The following CDH4 variants were observed in gnomAD, a reference collection of about 807,000 sequenced individuals.
CDH4 encodes the protein cadherin-4.
A neutral mutation model predicts 86.0 loss-of-function variants in CDH4; 33 were observed. The observed-to-expected ratio is 0.38, with a 90% CI of 0.29 to 0.51. The LOEUF is 0.51. Ranked by LOEUF, CDH4 falls within the 20% of genes least tolerant of loss-of-function variation. The pLI is 0.86. For missense variants in CDH4, 1,114 were observed against 1,307.4 expected, an observed-to-expected ratio of 0.85 and a Z score of 2.28; for synonymous variants, 555 against 549.4, an observed-to-expected ratio of 1.01 and a Z score of -0.14.
At chr20:61,658,274 C>T (rs1463742320) in intron 2 of CDH4, among the ~76,000 whole-genome samples, 1 of 151,980 alleles carries the variant, frequency 6.6e-6, no homozygotes, top group Non-Finnish European at 1.5e-5. Context: ...CCCGAGTCAC[C>T]ATCCTCTCCG....
intron 2 of CDH4, among the ~76,000 whole-genome samples, chr20:61,583,456 C>T (rs1473033102): frequency 1.3e-5 from 2 of 152,134 alleles, no homozygotes; most frequent in East Asian, 1.9e-4. Flanking sequence ...TTGTCACACA[C>T]GCGTTCTGTG....
At chr20:61,758,608 G>A (rs767481865) in intron 3 of CDH4, among the ~76,000 whole-genome samples, 9 of 152,308 alleles carry the variant, frequency 5.9e-5, no homozygotes, top group East Asian at 3.9e-4. Context: ...CACGAGGTCC[G>A]TGAAGTTGTC....
At chr20:61,378,308 A>C (rs890888739) in intron 2 of CDH4, among the ~76,000 whole-genome samples, 1 of 152,166 alleles carries the variant, frequency 6.6e-6, no homozygotes, top group South Asian at 2.1e-4. Flanking sequence ...AAACTTTGAA[A>C]TTATAGTGTG....
At chr20:61,787,273 G>A (rs965675878) in intron 4 of CDH4, among the ~76,000 whole-genome samples, 1 of 152,220 alleles carries the variant, frequency 6.6e-6, no homozygotes, top group African/African-American at 2.4e-5. Context: ...AAAGGAAAGA[G>A]GTTTAATTGA....
chr20:61,714,504 T>C (rs531682178), intron 2 of CDH4, among the ~76,000 whole-genome samples: 6 of 152,322 alleles, frequency 3.9e-5, no homozygotes, highest in African/African-American at 1.4e-4. Context: ...AAGTCTGAGA[T>C]TGTCATGTAG....
chr20:61,661,211 G>T (rs2087253708), intron 2 of CDH4, among the ~76,000 whole-genome samples: 1 of 152,094 alleles, frequency 6.6e-6, no homozygotes, highest in African/African-American at 2.4e-5. Context: ...GTCACCGTCA[G>T]CCGGTGGTTC....
intron 2 of CDH4, among the ~76,000 whole-genome samples, chr20:61,258,645 T>A (rs2084113916): frequency 1.3e-5 from 2 of 152,360 alleles, no homozygotes; most frequent in South Asian, 4.1e-4. Flanking sequence ...GAGTAAATTT[T>A]TCTTACATAA....
At chr20:61,777,967 T>A (rs956343041) in intron 4 of CDH4, among the ~76,000 whole-genome samples, 5 of 149,326 alleles carry the variant, frequency 3.3e-5, no homozygotes, top group African/African-American at 1.2e-4. Flanking sequence ...ACGTGCATAC[T>A]ATACACACAT....
chr20:61,929,936 CCTCAGCCCTCATCT>C, intron 13 of CDH4, 94 bp downstream of exon 13: 1 of 933,250 alleles, frequency 1.1e-6, no homozygotes, highest in South Asian at 1.4e-5. Flanking sequence ...TGGATTTGCC[CCTCAGCCCTCATCT>C]CTCAGCCTCA....
chr20:61,586,850 A>T (rs1438505709), intron 2 of CDH4, among the ~76,000 whole-genome samples: 1 of 152,216 alleles, frequency 6.6e-6, no homozygotes, highest in African/African-American at 2.4e-5. Context: ...AACAGTTCAA[A>T]AAATAATCCA....
intron 2 of CDH4, among the ~76,000 whole-genome samples, chr20:61,265,899 G>T (rs2084155887): frequency 6.6e-6 from 1 of 152,192 alleles, no homozygotes; most frequent in East Asian, 1.9e-4. Context: ...CTATAATTAG[G>T]ACTCAGAGGG....
chr20:61,448,034 C>A (rs752178233), intron 2 of CDH4, among the ~76,000 whole-genome samples: 1 of 152,156 alleles, frequency 6.6e-6, no homozygotes, highest in African/African-American at 2.4e-5. Context: ...CTTTCTTGTT[C>A]GTCCCTGGGG....
chr20:61,899,816 G>A lies in CDH4; in HGVS notation c.1188+4769G>A, dbSNP rs564260588. Among the ~76,000 whole-genome samples, 68 of 152,286 alleles carry A rather than the reference G, an allele frequency of 4.5e-4. 1 individual carries two copies. In the South Asian group the frequency reaches 0.013, roughly 30 times the overall value. On this transcript the variant is annotated intron_variant, in intron 8 of 15. Transcript: ENST00000614565. ...AGGACAGGATGAGTGGGTCCCCAGC[G>A]TTTAGGATGTGCCCAGCTCAGCCAG...
At chr20:61,640,843 G>A (rs1313024219) in intron 2 of CDH4, among the ~76,000 whole-genome samples, 1 of 152,210 alleles carries the variant, frequency 6.6e-6, no homozygotes, top group Non-Finnish European at 1.5e-5. Context: ...CTGTTGGTCT[G>A]TCTTTGGGTG....
chr20:61,436,244 G>A (rs1358091254), intron 2 of CDH4, among the ~76,000 whole-genome samples: 2 of 152,122 alleles, frequency 1.3e-5, no homozygotes, highest in South Asian at 2.1e-4. Flanking sequence ...CCAACTGCAT[G>A]GATTCCATTT....
intron 5 of CDH4, among the ~76,000 whole-genome samples, chr20:61,851,889 C>T (rs942679017): frequency 7.2e-5 from 11 of 152,252 alleles, no homozygotes; most frequent in Non-Finnish European, 1.3e-4. Context: ...GGCAGCCACA[C>T]TGCCTTCAGT....
intron 2 of CDH4, among the ~76,000 whole-genome samples, chr20:61,546,638 A>G (rs2145665609): frequency 6.6e-6 from 1 of 151,946 alleles, no homozygotes; most frequent in African/African-American, 2.4e-5. Context: ...ATATGAAATG[A>G]GAGAACAGGG....
At chr20:61,860,200 A>G (rs895273438) in intron 6 of CDH4, among the ~76,000 whole-genome samples, 5 of 152,058 alleles carry the variant, frequency 3.3e-5, no homozygotes, top group Non-Finnish European at 5.9e-5. Context: ...CATTTTCCTG[A>G]CTCCACCAAG....
At chr20:61,837,995 C>G (rs1372131976) in intron 4 of CDH4, among the ~76,000 whole-genome samples, 3 of 152,060 alleles carry the variant, frequency 2.0e-5, no homozygotes, top group African/African-American at 4.8e-5. Flanking sequence ...TCCCCAAGCC[C>G]TCACCTCCAT....
Sources: gnomAD v4.1 joint callset for allele counts (sites outside exome capture counted in the v4.1 genomes callset) on GRCh38, gnomAD v4.1.1 for gene constraint, MANE v1.5 for transcripts, NCBI Gene and HGNC (gene_info 2026-07-23, HGNC 2026-07-21) for gene names.